SEZ6L: variants seen among roughly 807,000 people sequenced by gnomAD.
The protein encoded by SEZ6L is seizure 6-like protein.
Under a neutral mutation model 106.2 loss-of-function variants are expected in SEZ6L, and 37 were observed. The observed-to-expected ratio is 0.35, with a 90% CI of 0.27 to 0.46. The LOEUF is 0.46. SEZ6L is among the 20% of genes least tolerant of loss of function. SEZ6L has a pLI of 1.00. For synonymous variants in SEZ6L, 541 were observed against 570.4 expected, an observed-to-expected ratio of 0.95 and a Z score of 0.73; for missense variants, 1,172 against 1,332.8, an observed-to-expected ratio of 0.88 and a Z score of 1.88.
intron 9 of SEZ6L, among the ~76,000 whole-genome samples, chr22:26,339,320 G>A (rs947530767): frequency 1.3e-5 from 2 of 152,172 alleles, no homozygotes; most frequent in Admixed American, 1.3e-4. Context: ...AGAAGACAGA[G>A]AGAGGGAAAG....
intron 10 of SEZ6L, among the ~76,000 whole-genome samples, chr22:26,347,257 A>C (rs1359781753): frequency 6.6e-6 from 1 of 152,104 alleles, no homozygotes; most frequent in Non-Finnish European, 1.5e-5. Context: ...TGAAAAGCAA[A>C]AGTAAAATAA....
chr22:26,340,729 A>G (rs1601547163), intron 10 of SEZ6L, 97 bp downstream of exon 10: 3 of 982,952 alleles, frequency 3.1e-6, no homozygotes, highest in Non-Finnish European at 4.5e-6. Flanking sequence ...TACTACAGCG[A>G]TTTTTCATTG....
intron 1 of SEZ6L, among the ~76,000 whole-genome samples, chr22:26,269,885 C>T (rs940861928): frequency 4.6e-5 from 7 of 152,028 alleles, no homozygotes; most frequent in Non-Finnish European, 8.8e-5. Flanking sequence ...TTGTCATTCT[C>T]GTGTTACAAG....
At chr22:26,284,704 C>T (rs1034416176) in intron 1 of SEZ6L, among the ~76,000 whole-genome samples, 79 of 148,854 alleles carry the variant, frequency 5.3e-4, no homozygotes, top group Middle Eastern at 3.5e-3. Context: ...GTGAACAGAA[C>T]GTAGGAGAGA....
intron 1 of SEZ6L, among the ~76,000 whole-genome samples, chr22:26,288,270 C>T (rs1453475395): frequency 6.6e-6 from 1 of 152,220 alleles, no homozygotes; most frequent in African/African-American, 2.4e-5. Flanking sequence ...CAGGTGGGTT[C>T]ACGTGTTCCC....
chr22:26,262,912 T>TC (rs1215917591), intron 1 of SEZ6L, among the ~76,000 whole-genome samples: 2 of 152,196 alleles, frequency 1.3e-5, no homozygotes, highest in Non-Finnish European at 2.9e-5. Context: ...TCTTTTCAAT[T>TC]CACAAAATTA....
intron 10 of SEZ6L, among the ~76,000 whole-genome samples, chr22:26,346,776 C>G (rs1439681014): frequency 6.6e-6 from 1 of 152,198 alleles, no homozygotes; most frequent in Non-Finnish European, 1.5e-5. Context: ...GCAGCTGCTT[C>G]CTCTGAAGCA....
chr22:26,291,073 A>G (rs2081092115), intron 1 of SEZ6L, among the ~76,000 whole-genome samples: 1 of 152,260 alleles, frequency 6.6e-6, no homozygotes, highest in Admixed American at 6.5e-5. Context: ...CAGCAATCCC[A>G]TTACTGGGTC....
chr22:26,257,166 TCTC>T (rs1172017880), intron 1 of SEZ6L, among the ~76,000 whole-genome samples: 4 of 152,136 alleles, frequency 2.6e-5, no homozygotes, highest in Non-Finnish European at 5.9e-5. Context: ...CACATGACAG[TCTC>T]CTATCATAAA....
At chr22:26,268,161 C>T (rs555891620) in intron 1 of SEZ6L, among the ~76,000 whole-genome samples, 15 of 152,336 alleles carry the variant, frequency 9.8e-5, no homozygotes, top group Middle Eastern at 3.4e-3. Context: ...TCCTTTGTAA[C>T]GTGGAACAAA....
chr22:26,180,622 G>A (rs991801516), intron 1 of SEZ6L, among the ~76,000 whole-genome samples: 5 of 152,212 alleles, frequency 3.3e-5, no homozygotes, highest in Non-Finnish European at 7.3e-5. Context: ...GTGGGTGATA[G>A]AGAGCTAGAA....
intron 5 of SEZ6L, among the ~76,000 whole-genome samples, chr22:26,299,790 T>G (rs1347199372): frequency 6.6e-6 from 1 of 152,258 alleles, no homozygotes; most frequent in African/African-American, 2.4e-5. Flanking sequence ...TGAACATTTG[T>G]ATGCCAGTTT....
chr22:26,349,062 C>T (rs1275414534), intron 11 of SEZ6L, among the ~76,000 whole-genome samples: 1 of 152,144 alleles, frequency 6.6e-6, no homozygotes, highest in Non-Finnish European at 1.5e-5. Context: ...AGTCTTCTTA[C>T]CTGCCTCATT....
intron 9 of SEZ6L, among the ~76,000 whole-genome samples, chr22:26,331,055 G>A (rs1279720137): frequency 6.6e-6 from 1 of 152,138 alleles, no homozygotes; most frequent in African/African-American, 2.4e-5. Context: ...TGCCCTCTCC[G>A]GAATATTGAC....
chr22:26,229,025 G>T (rs1172737805), intron 1 of SEZ6L, among the ~76,000 whole-genome samples: 3 of 152,190 alleles, frequency 2.0e-5, no homozygotes, highest in Non-Finnish European at 4.4e-5. Flanking sequence ...TTGAGACAGA[G>T]TCTTGCCCTG....
chr22:26,359,699 G>A (rs1176080122), intron 12 of SEZ6L, among the ~76,000 whole-genome samples: 5 of 152,090 alleles, frequency 3.3e-5, no homozygotes. Flanking sequence ...CAGCGACTCG[G>A]GAGGCTAAGG....
chr22:26,204,807 G>C (rs763543740), intron 1 of SEZ6L, among the ~76,000 whole-genome samples: 1 of 152,208 alleles, frequency 6.6e-6, no homozygotes, highest in South Asian at 2.1e-4. Context: ...GAGCAGATAT[G>C]CTCTAATGAG....
chr22:26,170,817 G>A (rs1938544007), intron 1 of SEZ6L, among the ~76,000 whole-genome samples: 3 of 152,358 alleles, frequency 2.0e-5, no homozygotes, highest in African/African-American at 7.2e-5. Context: ...AAAGCAGACA[G>A]CTGCAGGGTC....
chr22:26,282,669 A>C (rs1445458670), intron 1 of SEZ6L, among the ~76,000 whole-genome samples: 2 of 152,180 alleles, frequency 1.3e-5, no homozygotes, highest in Non-Finnish European at 2.9e-5. Flanking sequence ...AAAGCTCGAG[A>C]GTACCTCAAA....
Sources: gnomAD v4.1 joint callset for allele counts (sites outside exome capture counted in the v4.1 genomes callset) on GRCh38, gnomAD v4.1.1 for gene constraint, MANE v1.5 for transcripts, NCBI Gene and HGNC (gene_info 2026-07-23, HGNC 2026-07-21) for gene names.